REEP1: variants seen among roughly 807,000 people sequenced by gnomAD.
The protein encoded by REEP1 is receptor expression-enhancing protein 1.
In REEP1, 22 loss-of-function variants were observed where a neutral mutation model predicts 40.3. That is an observed-to-expected ratio of 0.55 (90% CI 0.39 to 0.78). The LOEUF (loss-of-function observed/expected upper bound fraction) is 0.78. Among genes scored for constraint, REEP1 ranks in the 30% least tolerant of loss-of-function variants. The pLI is 0.00. For synonymous variants in REEP1, 116 were observed against 139.2 expected (o/e 0.83, Z 1.17); for missense variants, 280 against 361.1 (o/e 0.78, Z 1.82).
Position 86,337,428 on chromosome 2 carries a change from C to A in REEP1, c.32+51G>T. The stretch of plus-strand genomic sequence containing the variant: ...TGTAGGGGCGCGCGCAGCCCGGGGC[C>A]GGGGGCGGGGAGGGAGGGGACGGAG... On this transcript the variant is annotated intron_variant, in intron 1 of 8. Coordinates refer to ENST00000538924, the MANE Select transcript of REEP1 (RefSeq NM_001371279.1). The surrounding 1 kb of genome is among the most constrained non-coding windows in gnomAD (Gnocchi z 5.8). 8.7e-7 allele frequency: 1 copy of A among 1,149,112 alleles called. No homozygotes were observed. The highest frequency in any genetic ancestry group is 3.8e-5 in the South Asian group (1 of 26,248). 71.2% of individuals were successfully genotyped at this position (1,149,112 alleles called of 1,614,324 possible).
At chr2:86,292,038 C>T (rs1275799928) in intron 1 of REEP1, among the ~76,000 whole-genome samples, 1 of 152,182 alleles carries the variant, frequency 6.6e-6, no homozygotes, top group Non-Finnish European at 1.5e-5. Flanking sequence ...TGTAGAGATT[C>T]CTATTCTTAA....
At chr2:86,292,681 AT>A (rs1489996193) in intron 1 of REEP1, among the ~76,000 whole-genome samples, 11 of 152,214 alleles carry the variant, frequency 7.2e-5, no homozygotes, top group African/African-American at 2.6e-4. Flanking sequence ...CATGGTATAT[AT>A]TTAGGCTGAG....
intron 5 of REEP1, among the ~76,000 whole-genome samples, chr2:86,249,376 C>T (rs139400646): frequency 0.013 from 1,935 of 152,268 alleles, 43 homozygotes; most frequent in African/African-American, 0.043. Context: ...CCCACACACA[C>T]GCCACTGCTT....
At chr2:86,265,902 G>A (rs139434357) in intron 2 of REEP1, among the ~76,000 whole-genome samples, 24 of 152,198 alleles carry the variant, frequency 1.6e-4, no homozygotes, top group African/African-American at 4.3e-4. Context: ...ATATATCCAC[G>A]TAACAAACCT....
In REEP1 at chr2:86,282,221, G is replaced by A. The variant is rs1328482655; in HGVS notation, c.54C>T (p.Tyr18=). The A allele has an allele frequency of 1.2e-6, 2 of 1,608,888 alleles. No individual in the cohort carries two copies. The highest frequency in any genetic ancestry group is 1.7e-6 in the Non-Finnish European group (2 of 1,175,306). ...CAGCCTTGTAGGAATAATACGCAGG[G>A]TAAAGGGTGCCAAATATAAGCCTGG... The part of the protein sequence containing the change: ...RLVVLIFGTL[Y]PAYYSYKAVK... The change falls in exon 2 of 9, where the codon TAC becomes TAT. Residue 18 remains tyrosine, a synonymous_variant. Transcript: ENST00000538924.
At chr2:86,260,629 G>A (rs1676807099) in intron 3 of REEP1, among the ~76,000 whole-genome samples, 1 of 152,194 alleles carries the variant, frequency 6.6e-6, no homozygotes, top group Admixed American at 6.5e-5. Context: ...AGCATGGGCA[G>A]GACTCGACAG....
intron 3 of REEP1, among the ~76,000 whole-genome samples, chr2:86,261,239 A>G (rs1558896477): frequency 6.6e-6 from 1 of 152,154 alleles, no homozygotes; most frequent in Non-Finnish European, 1.5e-5. Flanking sequence ...TTAATTGACT[A>G]CACAGTCTTG....
chr2:86,271,963 C>T (rs1677478842), intron 2 of REEP1, among the ~76,000 whole-genome samples: 1 of 152,196 alleles, frequency 6.6e-6, no homozygotes. Flanking sequence ...TGGGTCACGC[C>T]TGTAACGCCA....
At chr2:86,280,976 C>T (rs1238959530) in intron 2 of REEP1, among the ~76,000 whole-genome samples, 1 of 152,210 alleles carries the variant, frequency 6.6e-6, no homozygotes, top group Admixed American at 6.5e-5. Flanking sequence ...TTACCCACCC[C>T]ACTGTTCAGA....
intron 1 of REEP1, among the ~76,000 whole-genome samples, chr2:86,291,588 C>T (rs1310542248): frequency 1.3e-5 from 2 of 152,134 alleles, no homozygotes; most frequent in African/African-American, 4.8e-5. Flanking sequence ...CTTATTTCCT[C>T]ATCTGATCTG....
intron 2 of REEP1, among the ~76,000 whole-genome samples, chr2:86,280,979 T>C (rs911856103): frequency 2.0e-5 from 3 of 152,238 alleles, no homozygotes; most frequent in Admixed American, 1.3e-4. Context: ...CCCACCCCAC[T>C]GTTCAGATGA....
chr2:86,284,351 T>TGC lies in REEP1; in HGVS notation c.33-2110_33-2109insGC, dbSNP rs762007126. Among the ~76,000 whole-genome samples the TGC allele has an allele frequency of 1.2e-3, 175 of 151,714 alleles. 1 individual carries two copies. The highest frequency in any genetic ancestry group is 2.3e-3 in the Admixed American group (35 of 15,256). On this transcript the variant is annotated intron_variant, in intron 1 of 8. Coordinates refer to ENST00000538924, the MANE Select transcript of REEP1 (RefSeq NM_001371279.1). ...AGGGTGCGTCTCTCCCACAAGACTG[T>TGC]GTTCCACAAAGCCAGAGATGGTGTC...
intron 1 of REEP1, among the ~76,000 whole-genome samples, chr2:86,319,536 A>C (rs367848862): frequency 6.6e-6 from 1 of 152,204 alleles, no homozygotes; most frequent in East Asian, 1.9e-4. Flanking sequence ...CTCTACTAAA[A>C]ATACAAAAAT....
intron 1 of REEP1, among the ~76,000 whole-genome samples, chr2:86,325,874 G>A (rs566126577): frequency 6.6e-6 from 1 of 152,188 alleles, no homozygotes; most frequent in Non-Finnish European, 1.5e-5. Context: ...AGTGGGAAAG[G>A]ATGCTTGACT....
intron 2 of REEP1, among the ~76,000 whole-genome samples, chr2:86,281,010 G>A (rs950354682): frequency 2.6e-5 from 4 of 152,208 alleles, no homozygotes; most frequent in Non-Finnish European, 5.9e-5. Context: ...GCTCTCGGAA[G>A]TTTAAGCTAC....
intron 1 of REEP1, among the ~76,000 whole-genome samples, chr2:86,325,979 G>A (rs186293297): frequency 2.0e-4 from 30 of 152,224 alleles, no homozygotes; most frequent in East Asian, 1.2e-3. Flanking sequence ...GTGTCCCCCC[G>A]GTAGGAAGAC....
intron 2 of REEP1, among the ~76,000 whole-genome samples, chr2:86,265,497 C>T (rs1314124405): frequency 6.6e-6 from 1 of 151,558 alleles, no homozygotes; most frequent in East Asian, 1.9e-4. Context: ...ACATTCTTCA[C>T]AAGAAGGCAA....
intron 1 of REEP1, chr2:86,297,663 A>G: frequency 1.0e-6 from 1 of 980,360 alleles, no homozygotes; most frequent in Non-Finnish European, 1.2e-6. Flanking sequence ...GGAAGAGAAC[A>G]CTTACTTTTC....
intron 6 of REEP1, among the ~76,000 whole-genome samples, chr2:86,227,955 A>C (rs1674805205): frequency 6.6e-6 from 1 of 152,178 alleles, no homozygotes; most frequent in Non-Finnish European, 1.5e-5. Flanking sequence ...CATTTCTTGT[A>C]CACTTCCTGG....
Sources: allele counts gnomAD v4.1 joint callset (sites outside exome capture counted in the v4.1 genomes callset), GRCh38; gene constraint gnomAD v4.1.1; non-coding constraint Gnocchi (gnomAD v3.1); transcripts MANE v1.5; gene names NCBI Gene and HGNC (gene_info 2026-07-23, HGNC 2026-07-21).